VPS13B: variants seen among roughly 807,000 people sequenced by gnomAD.
VPS13B encodes the protein intermembrane lipid transfer protein VPS13B.
A neutral mutation model predicts 426.4 loss-of-function variants in VPS13B; 285 were observed. The ratio of observed to expected loss-of-function variants is 0.67; its 90% confidence interval spans 0.61 to 0.74. The LOEUF is 0.74. VPS13B is among the 30% of genes least tolerant of loss of function. The pLI, the probability that VPS13B is intolerant of heterozygous loss-of-function variation, is 0.00. For synonymous variants in VPS13B, 1,676 were observed against 1,676.4 expected (o/e 1.00, Z 0.01); for missense variants, 4,537 against 4,782.6 (o/e 0.95, Z 1.51).
chr8:99,566,356 A>G (rs2133787820), intron 31 of VPS13B, among the ~76,000 whole-genome samples: 1 of 152,278 alleles, frequency 6.6e-6, no homozygotes, highest in Middle Eastern at 3.4e-3. Flanking sequence ...TACAGCTAAG[A>G]TGGATGGATA....
chr8:99,626,584 G>A (rs186481698), intron 33 of VPS13B, among the ~76,000 whole-genome samples: 1 of 152,280 alleles, frequency 6.6e-6, no homozygotes, highest in Non-Finnish European at 1.5e-5. Flanking sequence ...TCCACTTTAA[G>A]TAGATGAATT....
intron 15 of VPS13B, among the ~76,000 whole-genome samples, chr8:99,159,109 T>C (rs181431230): frequency 6.6e-6 from 1 of 152,302 alleles, no homozygotes; most frequent in East Asian, 1.9e-4. Context: ...TGGATTACTT[T>C]GAGGGGTTCA....
rs76091156 is a variant in VPS13B, at chr8:99,819,129, C to T, written c.8621+241C>T. Among the ~76,000 whole-genome samples, 227 of 152,050 alleles carry T rather than the reference C, an allele frequency of 1.5e-3. 6 individuals are homozygous for T. In the East Asian group the frequency reaches 0.04, roughly 27 times the overall value. On this transcript the variant is annotated intron_variant, in intron 47 of 61. Transcript: ENST00000357162. Reference sequence around the variant, plus strand: ...CTTTCTCATTAAGCTTAGAAATAACCAGCAGGGATCATCAGAACTTTTAAT... The same window carrying T: ...CTTTCTCATTAAGCTTAGAAATAACTAGCAGGGATCATCAGAACTTTTAAT...
intron 3 of VPS13B, among the ~76,000 whole-genome samples, chr8:99,050,317 G>C (rs539670301): frequency 2.0e-5 from 3 of 152,036 alleles, no homozygotes; most frequent in Non-Finnish European, 2.9e-5. Flanking sequence ...AGTTTGCTGA[G>C]AATGATGGTT....
intron 3 of VPS13B, among the ~76,000 whole-genome samples, chr8:99,048,339 A>G (rs1304254018): frequency 6.6e-6 from 1 of 152,186 alleles, no homozygotes; most frequent in African/African-American, 2.4e-5. Flanking sequence ...GTTGGATAGA[A>G]TGTTCTGTAA....
intron 42 of VPS13B, among the ~76,000 whole-genome samples, chr8:99,783,044 G>A (rs1030273262): frequency 6.6e-6 from 1 of 152,234 alleles, no homozygotes; most frequent in South Asian, 2.1e-4. Flanking sequence ...GCAGCATAGA[G>A]CCTGCCCACC....
rs551682984 is a variant in VPS13B, at chr8:99,428,611, G to A, written c.3083-2926G>A. On this transcript the variant is annotated intron_variant, in intron 21 of 61. Coordinates refer to ENST00000357162, the MANE Select transcript of VPS13B (RefSeq NM_152564.5). ...ACCATCTCACACCAGTTAGAATGGT[G>A]ATCATTAAAAAGTCAGGAAACAACA... Among the ~76,000 whole-genome samples the A allele has an allele frequency of 4.5e-3, 684 of 152,190 alleles. 7 individuals are homozygous for A. The highest frequency in any genetic ancestry group is 0.013 in the African/African-American group (534 of 41,522).
chr8:99,087,556 G>C (rs1171729320), intron 3 of VPS13B, among the ~76,000 whole-genome samples: 1 of 151,820 alleles, frequency 6.6e-6, no homozygotes, highest in Non-Finnish European at 1.5e-5. Context: ...GCTCATGTTG[G>C]GAGCTGTAGA....
intron 13 of VPS13B, among the ~76,000 whole-genome samples, chr8:99,144,751 C>A (rs1413608922): frequency 1.3e-5 from 2 of 152,256 alleles, no homozygotes; most frequent in Middle Eastern, 3.4e-3. Context: ...GATAGTATAG[C>A]AAACAAGACA....
chr8:99,350,369 T>G (rs952375478), intron 19 of VPS13B, among the ~76,000 whole-genome samples: 24 of 152,224 alleles, frequency 1.6e-4, no homozygotes, highest in African/African-American at 5.5e-4. Context: ...AGAATGTGTT[T>G]TGCGAAGATC....
chr8:99,743,360 G>A (rs1809870284), intron 39 of VPS13B, among the ~76,000 whole-genome samples: 1 of 151,738 alleles, frequency 6.6e-6, no homozygotes, highest in African/African-American at 2.4e-5. Flanking sequence ...ATGCTCATGG[G>A]TAGGAAGAAT....
Position 99,875,692 on chromosome 8 carries a change from C to A in VPS13B, c.*26C>A. On this transcript the variant is annotated 3_prime_UTR_variant, in exon 62 of 62. Transcript: ENST00000357162. ...GTCCCCTCTGAGGTGTTTATTCCTG[C>A]TTGTGTGATTTAGTTTTTGGGTTTC... 1 of 1,613,042 alleles carries A rather than the reference C, an allele frequency of 6.2e-7. No individual in the cohort carries two copies. The highest frequency in any genetic ancestry group is 8.5e-7 in the Non-Finnish European group (1 of 1,179,930).
intron 19 of VPS13B, among the ~76,000 whole-genome samples, chr8:99,303,591 T>C (rs1820484756): frequency 6.6e-6 from 1 of 151,396 alleles, no homozygotes; most frequent in Non-Finnish European, 1.5e-5. Context: ...CTTTAGAATA[T>C]GTGTTTCTTC....
At chr8:99,220,548 A>G (rs960397734) in intron 17 of VPS13B, among the ~76,000 whole-genome samples, 3 of 152,246 alleles carry the variant, frequency 2.0e-5, no homozygotes, top group Non-Finnish European at 4.4e-5. Flanking sequence ...CAGAAGAAGC[A>G]TAAAACGTTA....
At chr8:99,762,898 G>C (rs1446811511) in intron 39 of VPS13B, among the ~76,000 whole-genome samples, 1 of 152,032 alleles carries the variant, frequency 6.6e-6, no homozygotes, top group Non-Finnish European at 1.5e-5. Flanking sequence ...AGCACTTTGA[G>C]AGGCCAAGGT....
chr8:99,525,615 G>A (rs1463630358), intron 30 of VPS13B, among the ~76,000 whole-genome samples: 1 of 152,100 alleles, frequency 6.6e-6, no homozygotes, highest in Non-Finnish European at 1.5e-5. Flanking sequence ...TTTGAGGGAG[G>A]CTACTGTACA....
intron 2 of VPS13B, among the ~76,000 whole-genome samples, chr8:99,034,362 G>T (rs576414513): frequency 6.6e-6 from 1 of 151,822 alleles, no homozygotes; most frequent in East Asian, 1.9e-4. Flanking sequence ...CTTTGGCATG[G>T]GATATATACA....
chr8:99,327,715 A>T (rs979939259), intron 19 of VPS13B, among the ~76,000 whole-genome samples: 2 of 152,164 alleles, frequency 1.3e-5, no homozygotes, highest in African/African-American at 4.8e-5. Flanking sequence ...CTTACCCTCT[A>T]TGTTTATAAC....
At chr8:99,870,649 C>A (rs952099018) in intron 59 of VPS13B, 136 bp from the exon 60 acceptor site, 7 of 754,754 alleles carry the variant, frequency 9.3e-6, no homozygotes, top group Non-Finnish European at 1.6e-5. Flanking sequence ...ATTATCTATA[C>A]GCTTGCTTCC....
Sources: allele counts gnomAD v4.1 joint callset (sites outside exome capture counted in the v4.1 genomes callset), GRCh38; gene constraint gnomAD v4.1.1; transcripts MANE v1.5; gene names NCBI Gene and HGNC (gene_info 2026-07-23, HGNC 2026-07-21).